The following SLC4A10 variants were observed in gnomAD, a reference collection of about 807,000 sequenced individuals.
SLC4A10 encodes solute carrier family 4 member 10.
Under a neutral mutation model 137.7 loss-of-function variants are expected in SLC4A10, and 42 were observed. The ratio of observed to expected loss-of-function variants is 0.30; its 90% CI spans 0.24 to 0.39. The LOEUF (loss-of-function observed/expected upper bound fraction) is 0.39. SLC4A10 is among the 10% of genes least tolerant of loss of function. SLC4A10 has a pLI of 1.00. For synonymous variants in SLC4A10, 474 were observed against 464.1 expected (o/e 1.02, Z -0.27); for missense variants, 925 against 1,355.0 (o/e 0.68, Z 4.98).
chr2:161,964,336 T>A, intron 22 of SLC4A10, 28 bp downstream of exon 22: 2 of 1,609,148 alleles, frequency 1.2e-6, no homozygotes, highest in South Asian at 2.2e-5. Flanking sequence ...ACTATTTTTC[T>A]CTTTCTCTGA....
chr2:161,643,310 G>A lies in SLC4A10; in HGVS notation c.48+18744G>A, dbSNP rs1190024133. Among the ~76,000 whole-genome samples the A allele has an allele frequency of 3.3e-5, 5 of 152,050 alleles. 1 individual carries two copies. Among genetic ancestry groups the A allele is most frequent in the Non-Finnish European group, 5.9e-5 (4 of 67,904 alleles). ...GTTTTACTTTTTATTGCTGCAGTTT[G>A]GATATTAGCATTTGAAAAAGCATTA... On this transcript the variant is annotated intron_variant, in intron 1 of 26. Coordinates refer to ENST00000446997, the MANE Select transcript of SLC4A10 (RefSeq NM_001178015.2).
At chr2:161,654,085 T>A (rs998667189) in intron 1 of SLC4A10, among the ~76,000 whole-genome samples, 2 of 152,186 alleles carry the variant, frequency 1.3e-5, no homozygotes, top group African/African-American at 2.4e-5. Flanking sequence ...ACCACAGGTG[T>A]GAAGTGATGT....
chr2:161,894,357 C>T (rs2063226304), intron 10 of SLC4A10, among the ~76,000 whole-genome samples: 1 of 151,988 alleles, frequency 6.6e-6, no homozygotes, highest in Admixed American at 6.6e-5. Flanking sequence ...AAGGCTTCCT[C>T]CAGAAACTGA....
At chr2:161,773,539 A>G (rs569685917) in intron 2 of SLC4A10, among the ~76,000 whole-genome samples, 2 of 152,028 alleles carry the variant, frequency 1.3e-5, no homozygotes, top group Non-Finnish European at 2.9e-5. Flanking sequence ...AAACTCTTAA[A>G]ATTTTACATT....
At chr2:161,896,288 C>T (rs2063497732) in intron 11 of SLC4A10, among the ~76,000 whole-genome samples, 2 of 151,910 alleles carry the variant, frequency 1.3e-5, no homozygotes, top group South Asian at 4.2e-4. Context: ...TGTTTTGGTA[C>T]CAGTACCATG....
At chr2:161,742,632 G>A (rs1213832925) in intron 1 of SLC4A10, among the ~76,000 whole-genome samples, 1 of 151,366 alleles carries the variant, frequency 6.6e-6, no homozygotes, top group Non-Finnish European at 1.5e-5. Context: ...TAGAGATGGG[G>A]TTTCACCATG....
chr2:161,857,614 C>G (rs1286242319), intron 5 of SLC4A10, among the ~76,000 whole-genome samples: 1 of 152,088 alleles, frequency 6.6e-6, no homozygotes, highest in East Asian at 1.9e-4. Context: ...AATATTTTCT[C>G]TCTATAGTTT....
At chr2:161,640,058 A>T (rs1474705675) in intron 1 of SLC4A10, among the ~76,000 whole-genome samples, 2 of 152,158 alleles carry the variant, frequency 1.3e-5, no homozygotes, top group Non-Finnish European at 2.9e-5. Context: ...TTCTTTCTGC[A>T]TTTAGATATT....
chr2:161,826,697 C>T (rs1156566879), intron 3 of SLC4A10, among the ~76,000 whole-genome samples: 7 of 152,092 alleles, frequency 4.6e-5, no homozygotes, highest in Admixed American at 3.9e-4. Context: ...TCTACAAGGG[C>T]TTTCCTCAGA....
At chr2:161,696,711 G>A (rs1390270734) in intron 1 of SLC4A10, among the ~76,000 whole-genome samples, 1 of 152,030 alleles carries the variant, frequency 6.6e-6, no homozygotes. Context: ...ATCATTGATG[G>A]ACATTTGGGT....
chr2:161,762,860 T>TA (rs35036416), intron 1 of SLC4A10, among the ~76,000 whole-genome samples: 2 of 152,028 alleles, frequency 1.3e-5, no homozygotes, highest in East Asian at 1.9e-4. Context: ...GAAAAACACT[T>TA]AAAAAACTAG....
intron 16 of SLC4A10, among the ~76,000 whole-genome samples, chr2:161,943,834 G>A (rs1693202110): frequency 6.6e-6 from 1 of 151,872 alleles, no homozygotes; most frequent in Non-Finnish European, 1.5e-5. Flanking sequence ...TAGTTAGTGA[G>A]CATAGAAATC....
chr2:161,686,802 G>C (rs540108744), intron 1 of SLC4A10, among the ~76,000 whole-genome samples: 1 of 151,994 alleles, frequency 6.6e-6, no homozygotes, highest in Non-Finnish European at 1.5e-5. Flanking sequence ...AGGTGTAAGA[G>C]AATGGTTAGT....
At chr2:161,797,045 T>G (rs922582347) in intron 2 of SLC4A10, among the ~76,000 whole-genome samples, 1 of 152,128 alleles carries the variant, frequency 6.6e-6, no homozygotes, top group Admixed American at 6.6e-5. Context: ...TTTGCATTCA[T>G]TTTTTAAGGA....
At chr2:161,672,390 C>T (rs1293167645) in intron 1 of SLC4A10, among the ~76,000 whole-genome samples, 1 of 152,056 alleles carries the variant, frequency 6.6e-6, no homozygotes, top group Non-Finnish European at 1.5e-5. Flanking sequence ...TGACAAAATA[C>T]TCCTGCCTCC....
At chr2:161,978,835 A>G (rs1228930193) in intron 26 of SLC4A10, among the ~76,000 whole-genome samples, 1 of 152,116 alleles carries the variant, frequency 6.6e-6, no homozygotes, top group African/African-American at 2.4e-5. Flanking sequence ...GGACTTTAAA[A>G]CTTTCATGTA....
In SLC4A10 at chr2:161,947,626, G is replaced by A. The variant is rs760763613; in HGVS notation, c.2164G>A (p.Val722Ile). The A allele has an allele frequency of 1.5e-5, 25 of 1,613,304 alleles. 1 individual carries two copies. In the South Asian group the frequency reaches 2.7e-4, roughly 18 times the overall value. The change falls in exon 17 of 27, where the codon GTT becomes ATT. Residue 722 changes from valine to isoleucine, a missense_variant. Val to Ile is a conservative substitution (Grantham distance 29, BLOSUM62 3). Around this residue, in one of 11 missense-constraint regions of SLC4A10, gnomAD observed 82 missense variants for 151.4 expected, o/e 0.54. Transcript: ENST00000446997. ...GGCCTGTGGCCATGATCACCCATAT[G>A]TTCCAGATGTTCTATTTTGGTCTGT... ...GRACGHDHPY[V>I]PDVLFWSVIL...
intron 1 of SLC4A10, among the ~76,000 whole-genome samples, chr2:161,759,346 A>G (rs1203673210): frequency 6.6e-6 from 1 of 151,996 alleles, no homozygotes; most frequent in African/African-American, 2.4e-5. Flanking sequence ...CGAACACTTA[A>G]GACCTACTGT....
intron 1 of SLC4A10, among the ~76,000 whole-genome samples, chr2:161,668,381 G>A (rs1172196288): frequency 6.6e-6 from 1 of 151,684 alleles, no homozygotes; most frequent in Non-Finnish European, 1.5e-5. Context: ...AGAATAATTA[G>A]GTTTACTCTG....
Sources: gnomAD v4.1 joint callset for allele counts (sites outside exome capture counted in the v4.1 genomes callset) on GRCh38, gnomAD v4.1.1 for gene constraint, gnomAD v4.1.1 regional missense constraint, MANE v1.5 for transcripts, NCBI Gene and HGNC (gene_info 2026-07-23, HGNC 2026-07-21) for gene names.